The following VEZT variants were observed in gnomAD, a reference collection of about 807,000 sequenced individuals.
The protein encoded by VEZT is vezatin.
VEZT carries 39 observed loss-of-function variants against 79.9 expected under a neutral mutation model. That is an observed-to-expected ratio of 0.49 (90% confidence interval 0.38 to 0.64). The LOEUF is 0.64. Ranked by LOEUF, VEZT falls within the 30% of genes least tolerant of loss-of-function variation. The pLI is 0.00. For missense variants in VEZT, 837 were observed against 893.1 expected (o/e 0.94, Z 0.80); for synonymous variants, 325 against 327.6 (o/e 0.99, Z 0.09).
In VEZT at chr12:95,256,593, AC is replaced by A. The variant is rs776698290; in HGVS notation, c.169-556del. The A allele has an allele frequency of 1.9e-5, 25 of 1,289,806 alleles. No homozygotes were observed. In the South Asian group the frequency reaches 3.0e-4, roughly 15 times the overall value. The allele number at this position is 1,289,806 out of a possible 1,614,324, so 79.9% of individuals were successfully genotyped here. ...CACTCAATGAATATAAACTGCACTT[AC>A]TGGCATGCTCAAGGAATGGGCTATT... On this transcript the variant is annotated intron_variant, in intron 2 of 11. Transcript: ENST00000436874.
chr12:95,257,203 T>C lies in VEZT; in HGVS notation c.222T>C (p.Ser74=). The C allele has an allele frequency of 6.2e-7, 1 of 1,611,294 alleles. No individual in the cohort carries two copies. Among genetic ancestry groups the C allele is most frequent in the Non-Finnish European group, 8.5e-7 (1 of 1,178,810 alleles). Residue 74 remains serine (S), a synonymous_variant, in exon 3 of 12, where the codon TCT becomes TCC. Coordinates refer to ENST00000436874, the MANE Select transcript of VEZT (RefSeq NM_017599.4). ...CCATCAAAAGTTGGATTTTTTTTTCTCAGTGCAATAAGAAAGATGACTTAC... is the reference window on the plus strand; with the variant it reads ...CCATCAAAAGTTGGATTTTTTTTTCCCAGTGCAATAAGAAAGATGACTTAC... ...AETIKSWIFF[S]QCNKKDDLLH...
chr12:95,274,675 G>A, intron 6 of VEZT, 67 bp from the exon 7 acceptor site: 1 of 1,510,424 alleles, frequency 6.6e-7, no homozygotes, highest in Non-Finnish European at 8.9e-7. Flanking sequence ...TGTGATATAG[G>A]ACAATTTCAC....
intron 4 of VEZT, among the ~76,000 whole-genome samples, chr12:95,265,394 T>C (rs1010461403): frequency 8.6e-5 from 13 of 150,800 alleles, no homozygotes; most frequent in African/African-American, 2.9e-4. Flanking sequence ...CAATTACTCA[T>C]CAAGTGTGTA....
chr12:95,249,548 A>G (rs748679164), intron 1 of VEZT, among the ~76,000 whole-genome samples: 3 of 152,256 alleles, frequency 2.0e-5, no homozygotes, highest in Non-Finnish European at 4.4e-5. Flanking sequence ...AAAAAAAGAG[A>G]TTAAACATAG....
chr12:95,292,195 G>A (rs1267075656), intron 9 of VEZT, among the ~76,000 whole-genome samples: 1 of 152,122 alleles, frequency 6.6e-6, no homozygotes, highest in Non-Finnish European at 1.5e-5. Context: ...TAACATCATT[G>A]GTAGCTTAAA....
At chr12:95,260,414 A>C (rs1203956295) in intron 3 of VEZT, among the ~76,000 whole-genome samples, 2 of 152,088 alleles carry the variant, frequency 1.3e-5, no homozygotes, top group African/African-American at 4.8e-5. Flanking sequence ...TGGGTTTGTC[A>C]CATTCTTAAA....
intron 1 of VEZT, among the ~76,000 whole-genome samples, chr12:95,228,942 C>CA (rs2058864685): frequency 6.6e-6 from 1 of 152,044 alleles, no homozygotes; most frequent in South Asian, 2.1e-4. Context: ...GTTGAGGCTG[C>CA]AGTGAGCTGT....
In VEZT at chr12:95,296,152, G is replaced by A; in HGVS notation, c.1725G>A (p.Glu575=). The A allele has an allele frequency of 6.4e-7, 1 of 1,573,596 alleles. No homozygotes were observed. The highest frequency in any genetic ancestry group is 8.6e-7 in the Non-Finnish European group (1 of 1,158,276). The change falls in exon 11 of 12, where the codon GAG becomes GAA. Residue 575 remains glutamate (E), a synonymous_variant. Coordinates refer to ENST00000436874, the MANE Select transcript of VEZT (RefSeq NM_017599.4). ...SQEDKERQKR[E]HEESKRVLQE... is the part of the protein sequence containing the mutation. ...AAGACAAAGAGAGACAGAAGCGTGAGCATGAAGAATCCAAGAGGGTGCTCC... is the reference window on the plus strand; with the variant it reads ...AAGACAAAGAGAGACAGAAGCGTGAACATGAAGAATCCAAGAGGGTGCTCC...
At chr12:95,252,112 A>C (rs374806354) in intron 2 of VEZT, 41 bp downstream of exon 2, 2 of 1,579,286 alleles carry the variant, frequency 1.3e-6, no homozygotes, top group Non-Finnish European at 8.6e-7. Flanking sequence ...AATCTTTTGC[A>C]CTTTACCTTA....
chr12:95,226,365 G>C (rs1437845830), intron 1 of VEZT, among the ~76,000 whole-genome samples: 1 of 151,080 alleles, frequency 6.6e-6, no homozygotes, highest in Non-Finnish European at 1.5e-5. Context: ...TCTTAGGGCT[G>C]AACCTCTCTT....
In VEZT at chr12:95,246,612, G is replaced by T. The variant is rs115735285; in HGVS notation, c.37-5328G>T. The stretch of plus-strand genomic sequence containing the variant: ...CAGAACAATCTTAGCACAACCAAAG[G>T]TTCTTGGCTGTTTTTCATTTAGCAA... On this transcript the variant is annotated intron_variant, in intron 1 of 11. Coordinates refer to ENST00000436874, the MANE Select transcript of VEZT (RefSeq NM_017599.4). Among the ~76,000 whole-genome samples the T allele has an allele frequency of 4.9e-3, 748 of 152,230 alleles. 7 individuals are homozygous for T. The highest frequency in any genetic ancestry group is 0.017 in the African/African-American group (709 of 41,528).
intron 1 of VEZT, among the ~76,000 whole-genome samples, chr12:95,238,665 T>A (rs1407829248): frequency 1.3e-5 from 2 of 152,216 alleles, no homozygotes; most frequent in Admixed American, 6.5e-5. Flanking sequence ...ATACATCACC[T>A]TCCTCCTCAG....
chr12:95,263,142 C>A, intron 4 of VEZT, 61 bp downstream of exon 4: 1 of 1,373,398 alleles, frequency 7.3e-7, no homozygotes, highest in Non-Finnish European at 9.7e-7. Flanking sequence ...GCAGAGGAAA[C>A]CCATCATTGT....
chr12:95,239,636 C>T (rs1390037616), intron 1 of VEZT, among the ~76,000 whole-genome samples: 1 of 151,920 alleles, frequency 6.6e-6, no homozygotes, highest in Admixed American at 6.6e-5. Context: ...GTGAAGAGCT[C>T]GGAGGGTTCA....
chr12:95,256,131 A>T (rs1352366024), intron 2 of VEZT, among the ~76,000 whole-genome samples: 1 of 151,366 alleles, frequency 6.6e-6, no homozygotes, highest in East Asian at 1.9e-4. Context: ...GGCTCACCAC[A>T]ACCTCTGCCT....
At chr12:95,230,439 A>ATT (rs1168389435) in intron 1 of VEZT, among the ~76,000 whole-genome samples, 1 of 137,948 alleles carries the variant, frequency 7.2e-6, no homozygotes, top group Admixed American at 7.8e-5. Flanking sequence ...TTTTTTTGAG[A>ATT]CAGTCTCACT....
intron 1 of VEZT, among the ~76,000 whole-genome samples, chr12:95,239,845 G>A (rs1041566432): frequency 6.6e-6 from 1 of 151,944 alleles, no homozygotes; most frequent in Admixed American, 6.6e-5. Flanking sequence ...CCAGCTACTC[G>A]GGAAGCTGAG....
chr12:95,232,654 A>G (rs2059428329), intron 1 of VEZT, among the ~76,000 whole-genome samples: 1 of 152,168 alleles, frequency 6.6e-6, no homozygotes, highest in South Asian at 2.1e-4. Flanking sequence ...GGCCCAAATG[A>G]CATCTGACAT....
intron 7 of VEZT, among the ~76,000 whole-genome samples, chr12:95,278,580 A>C (rs1292884211): frequency 6.6e-6 from 1 of 152,220 alleles, no homozygotes; most frequent in East Asian, 1.9e-4. Flanking sequence ...TAGATTTTGT[A>C]AGTTAAATTT....
Sources: allele counts gnomAD v4.1 joint callset (sites outside exome capture counted in the v4.1 genomes callset), GRCh38; gene constraint gnomAD v4.1.1; transcripts MANE v1.5; gene names NCBI Gene and HGNC (gene_info 2026-07-23, HGNC 2026-07-21).